The following RAP1GAP2 variants were observed in gnomAD, a reference collection of about 807,000 sequenced individuals.
RAP1GAP2 encodes the protein RAP1 GTPase activating protein 2.
Under a neutral mutation model 95.0 loss-of-function variants are expected in RAP1GAP2, and 27 were observed. The ratio of observed to expected loss-of-function variants is 0.28; its 90% CI spans 0.21 to 0.39. RAP1GAP2 has a LOEUF of 0.39. Among genes scored for constraint, RAP1GAP2 ranks in the 10% least tolerant of loss-of-function variants. The pLI is 1.00. For synonymous variants in RAP1GAP2, 373 were observed against 380.9 expected (o/e 0.98, Z 0.24); for missense variants, 771 against 970.0 (o/e 0.79, Z 2.72).
In RAP1GAP2 at chr17:2,796,620, G is replaced by A. The variant is rs755540379; in HGVS notation, c.44+49G>A. 1.9e-6 allele frequency: 3 copies of A among 1,547,044 alleles called. No homozygotes were observed. The highest frequency in any genetic ancestry group is 2.4e-5 in the South Asian group (2 of 83,958). On this transcript the variant is annotated intron_variant, in intron 1 of 24. Coordinates refer to ENST00000254695, the MANE Select transcript of RAP1GAP2 (RefSeq NM_015085.5). This position sits in a 1 kb window ranked among gnomAD's most constrained non-coding sequence, Gnocchi z 4.7. ...GGGAATGATGGGAGAGAACTTAGAA[G>A]TGAAGTCTTGTTAAGTGCATTGGCG...
intron 14 of RAP1GAP2, among the ~76,000 whole-genome samples, chr17:2,999,812 T>TAAAAC (rs992173564): frequency 6.8e-6 from 1 of 146,902 alleles, no homozygotes; most frequent in Non-Finnish European, 1.5e-5. Flanking sequence ...CAAAACAAAA[T>TAAAAC]AAAACAAAAC....
chr17:2,958,521 C>A (rs1473839025), intron 4 of RAP1GAP2, among the ~76,000 whole-genome samples: 4 of 151,970 alleles, frequency 2.6e-5, no homozygotes, highest in African/African-American at 9.7e-5. Context: ...CTTCACTGGG[C>A]TCAGAGATTG....
At chr17:2,773,763 A>ATT (rs551129910), upstream of RAP1GAP2, among the ~76,000 whole-genome samples, 1 of 117,216 alleles carries the variant, frequency 8.5e-6, no homozygotes, top group African/African-American at 3.3e-5. Context: ...TTATTTATTT[A>ATT]TTTATTCTTT....
chr17:2,924,160 A>AAT (rs1431347754), intron 3 of RAP1GAP2, among the ~76,000 whole-genome samples: 4 of 152,228 alleles, frequency 2.6e-5, no homozygotes, highest in African/African-American at 7.2e-5. Context: ...CCCTGCTTTG[A>AAT]ATATGAGAGC....
At chr17:2,999,924 G>A (rs2046097118) in intron 14 of RAP1GAP2, among the ~76,000 whole-genome samples, 1 of 152,126 alleles carries the variant, frequency 6.6e-6, no homozygotes, top group African/African-American at 2.4e-5. Context: ...TGAAGCTGGC[G>A]AAGACATGGT....
chr17:3,011,170 C>T lies in RAP1GAP2; in HGVS notation c.1494+3025C>T, dbSNP rs146513242. Among the ~76,000 whole-genome samples the T allele has an allele frequency of 6.0e-3, 918 of 152,184 alleles. 12 individuals are homozygous for T. Among genetic ancestry groups the T allele is most frequent in the African/African-American group, 0.02 (850 of 41,518 alleles). ...CTCGAACTCCTGACCTCAGGTGATCCGCCCACCTCAGCCTCACAAAGTGCT... is the reference window on the plus strand; with the variant it reads ...CTCGAACTCCTGACCTCAGGTGATCTGCCCACCTCAGCCTCACAAAGTGCT... On this transcript the variant is annotated intron_variant, in intron 17 of 24. Transcript: ENST00000254695.
intron 2 of RAP1GAP2, among the ~76,000 whole-genome samples, chr17:2,829,143 C>T (rs766488023): frequency 4.6e-4 from 70 of 151,900 alleles, no homozygotes; most frequent in Non-Finnish European, 9.4e-4. Flanking sequence ...CCACCACGCC[C>T]GGCTAATTTT....
At chr17:2,932,407 T>C (rs1230573446) in intron 3 of RAP1GAP2, among the ~76,000 whole-genome samples, 1 of 151,766 alleles carries the variant, frequency 6.6e-6, no homozygotes, top group East Asian at 1.9e-4. Flanking sequence ...CCATAACAAG[T>C]GTGGGACCCG....
At chr17:2,831,484 C>T (rs1209583082) in intron 2 of RAP1GAP2, among the ~76,000 whole-genome samples, 2 of 151,874 alleles carry the variant, frequency 1.3e-5, no homozygotes, top group Admixed American at 6.6e-5. Context: ...CTGCTGCTGC[C>T]TCTGCCCCAT....
chr17:2,993,429 C>T (rs1274264082), intron 12 of RAP1GAP2, among the ~76,000 whole-genome samples: 13 of 151,176 alleles, frequency 8.6e-5, no homozygotes, highest in East Asian at 5.9e-4. Context: ...AAAAATTAGC[C>T]GGGCGTGGTG....
chr17:2,865,868 C>T (rs1460790788), intron 2 of RAP1GAP2, among the ~76,000 whole-genome samples: 1 of 152,206 alleles, frequency 6.6e-6, no homozygotes, highest in Non-Finnish European at 1.5e-5. Context: ...CCCTCTCTTT[C>T]CCCTCCATGA....
At chr17:2,942,662 GT>G (rs2043540651) in intron 3 of RAP1GAP2, among the ~76,000 whole-genome samples, 1 of 152,098 alleles carries the variant, frequency 6.6e-6, no homozygotes, top group Admixed American at 6.6e-5. Context: ...AAAAAAATTG[GT>G]GAAATTTATA....
At position 2,963,182 on chromosome 17, in the gene RAP1GAP2, G is replaced by T; in HGVS notation, c.247-248G>T. ...TAGGATGAGAAGCTGGTATCACGAG[G>T]GGTGAGAAGTTCAGCACCTTCGGAC... On this transcript the variant is annotated intron_variant, in intron 5 of 24. Coordinates refer to ENST00000254695, the MANE Select transcript of RAP1GAP2 (RefSeq NM_015085.5). This position sits in a 1 kb window ranked among gnomAD's most constrained non-coding sequence, Gnocchi z 4.8. The T allele has an allele frequency of 1.7e-6, 1 of 581,988 alleles. No individual in the cohort carries two copies. The highest frequency in any genetic ancestry group is 3.0e-5 in the East Asian group (1 of 33,766). 36.1% of individuals were successfully genotyped at this position (581,988 alleles called of 1,614,324 possible). A position where few individuals can be genotyped will look rare whatever the true frequency, so the allele number is the denominator to read the frequency against.
chr17:2,931,759 C>A (rs541553641), intron 3 of RAP1GAP2, among the ~76,000 whole-genome samples: 25 of 152,212 alleles, frequency 1.6e-4, no homozygotes, highest in African/African-American at 5.8e-4. Flanking sequence ...CAGATGTCCC[C>A]TCTTCTTGCA....
intron 2 of RAP1GAP2, among the ~76,000 whole-genome samples, chr17:2,864,645 A>G (rs1370435316): frequency 6.6e-6 from 1 of 152,144 alleles, no homozygotes; most frequent in Non-Finnish European, 1.5e-5. Flanking sequence ...AACCCTGTGA[A>G]CACAGAGGCT....
intron 2 of RAP1GAP2, among the ~76,000 whole-genome samples, chr17:2,898,734 G>T (rs562697947): frequency 2.0e-5 from 3 of 152,262 alleles, no homozygotes; most frequent in Non-Finnish European, 4.4e-5. Context: ...CATTCTTCCC[G>T]TTGATTTGAG....
rs142144725 is a variant in RAP1GAP2, at chr17:2,969,620, G to A, written c.596+3977G>A. On this transcript the variant is annotated intron_variant, in intron 8 of 24. Coordinates refer to ENST00000254695, the MANE Select transcript of RAP1GAP2 (RefSeq NM_015085.5). ...AGGTTCAAGCAATTGTCCTGCCTCA[G>A]CCTCCCAAGTAGCTGGGACTACAGG... Among the ~76,000 whole-genome samples the A allele has an allele frequency of 0.019, 2,820 of 145,718 alleles. 159 individuals carry two copies. In the East Asian group the frequency reaches 0.21, roughly 11 times the overall value.
intron 2 of RAP1GAP2, among the ~76,000 whole-genome samples, chr17:2,842,356 C>T (rs2071402745): frequency 6.6e-6 from 1 of 151,910 alleles, no homozygotes; most frequent in African/African-American, 2.4e-5. Flanking sequence ...ATGGTGAAAC[C>T]CTGTCTCTAA....
intron 3 of RAP1GAP2, among the ~76,000 whole-genome samples, chr17:2,934,677 A>C (rs1369794502): frequency 6.6e-6 from 1 of 152,116 alleles, no homozygotes; most frequent in Admixed American, 6.5e-5. Flanking sequence ...TCATTTAACA[A>C]CTCTGAAATC....
Sources: allele counts gnomAD v4.1 joint callset (sites outside exome capture counted in the v4.1 genomes callset), GRCh38; gene constraint gnomAD v4.1.1; non-coding constraint Gnocchi (gnomAD v3.1); transcripts MANE v1.5; gene names NCBI Gene and HGNC (gene_info 2026-07-23, HGNC 2026-07-21).